LARP4B: variants seen among roughly 807,000 people sequenced by gnomAD.
The protein encoded by LARP4B is La ribonucleoprotein 4B, also known as la-related protein 4B.
A neutral mutation model predicts 89.8 loss-of-function variants in LARP4B; 12 were observed. The ratio of observed to expected loss-of-function variants is 0.13; its 90% confidence interval spans 0.09 to 0.22. The LOEUF (loss-of-function observed/expected upper bound fraction) is 0.22. Ranked by LOEUF, LARP4B falls within the 10% of genes least tolerant of loss-of-function variation. The pLI, the probability that LARP4B is intolerant of heterozygous loss-of-function variation, is 1.00. For synonymous variants in LARP4B, 367 were observed against 363.3 expected (o/e 1.01, Z -0.12); for missense variants, 757 against 947.7 (o/e 0.80, Z 2.64).
chr10:845,848 G>T (rs1833752885), intron 5 of LARP4B, among the ~76,000 whole-genome samples: 1 of 152,134 alleles, frequency 6.6e-6, no homozygotes, highest in South Asian at 2.1e-4. Context: ...AAATTAGCAT[G>T]GTACAATCAT....
chr10:814,771 T>G lies in LARP4B; in HGVS notation c.1900A>C (p.Lys634Gln). 1 of 1,602,856 alleles carries G rather than the reference T, an allele frequency of 6.2e-7. No homozygotes were observed. Among genetic ancestry groups the G allele is most frequent in the Non-Finnish European group, 8.5e-7 (1 of 1,174,188 alleles). The change falls in exon 17 of 18, where the codon AAA becomes CAA. Residue 634 changes from lysine (K) to glutamine (Q), a missense_variant. Around this residue, in one of 5 missense-constraint regions of LARP4B, gnomAD observed 387 missense variants for 423.6 expected, o/e 0.91. Transcript: ENST00000316157. The surrounding 1 kb of genome is among the most constrained non-coding windows in gnomAD (Gnocchi z 4.4). ...LPSALTATAC[K>Q]SVQVNGAATE... ...GCGGCTCCGTTCACCTGCACCGATTTACACGCGGTCGCAGTGAGGGCGGAA... is the reference window on the plus strand; with the variant it reads ...GCGGCTCCGTTCACCTGCACCGATTGACACGCGGTCGCAGTGAGGGCGGAA...
the LARP4B span, among the ~76,000 whole-genome samples, chr10:949,856 G>A: frequency 6.6e-6 from 1 of 152,134 alleles, no homozygotes; most frequent in South Asian, 2.1e-4. Flanking sequence ...TGTCGAGGCT[G>A]CAGTGCAGTG....
chr10:869,317 A>G (rs1020967100), intron 3 of LARP4B, among the ~76,000 whole-genome samples: 12 of 152,180 alleles, frequency 7.9e-5, no homozygotes, highest in Admixed American at 3.3e-4. Context: ...TACACTGCCC[A>G]CGAGATAAGA....
At chr10:986,344 G>A in the LARP4B span, 1 of 152,224 alleles carries the variant, frequency 6.6e-6, no homozygotes, top group Non-Finnish European at 1.5e-5. Flanking sequence ...TGCTAATGCA[G>A]TCAGGAACTG....
the LARP4B span, among the ~76,000 whole-genome samples, chr10:952,308 C>A: frequency 9.6e-5 from 13 of 135,986 alleles, no homozygotes; most frequent in African/African-American, 3.1e-4. Flanking sequence ...ATGCTGCACT[C>A]CAGCCTGGGT....
upstream of LARP4B, chr10:931,751 G>A (rs1830625255): frequency 1.3e-5 from 2 of 150,500 alleles, no homozygotes; most frequent in African/African-American, 4.9e-5. Flanking sequence ...GCGGACCCGC[G>A]CCTCGCGCCC....
At chr10:909,113 T>G (rs949318905) in intron 1 of LARP4B, among the ~76,000 whole-genome samples, 3 of 151,792 alleles carry the variant, frequency 2.0e-5, no homozygotes, top group Non-Finnish European at 1.5e-5. Flanking sequence ...GCTAACACGG[T>G]GAAACCCCGT....
At chr10:832,775 G>T (rs1251920698) in intron 8 of LARP4B, among the ~76,000 whole-genome samples, 2 of 152,008 alleles carry the variant, frequency 1.3e-5, no homozygotes, top group Non-Finnish European at 2.9e-5. Context: ...TACTAAAGCT[G>T]AAAAAAATTC....
At chr10:833,356 G>A (rs1359638901) in intron 8 of LARP4B, among the ~76,000 whole-genome samples, 3 of 141,502 alleles carry the variant, frequency 2.1e-5, no homozygotes, top group South Asian at 2.5e-4. Context: ...GCGGCATGCC[G>A]CCCACGGGCT....
At chr10:965,126 G>C in the LARP4B span, among the ~76,000 whole-genome samples, 1 of 152,232 alleles carries the variant, frequency 6.6e-6, no homozygotes, top group Non-Finnish European at 1.5e-5. Context: ...CCTGCCTGTG[G>C]TCCACACAGT....
chr10:972,660 TG>T, the LARP4B span: 1 of 457,162 alleles, frequency 2.2e-6, no homozygotes, highest in Non-Finnish European at 4.4e-6. Context: ...GCCGTTTGAC[TG>T]GTATGAAGTA....
rs773961022 is a variant in LARP4B at position 814,009 on chromosome 10, T to C, written c.1929+733A>G. 5.3e-5 allele frequency among the ~76,000 whole-genome samples: 8 copies of C among 152,024 alleles called. No homozygotes were observed. The highest frequency in any genetic ancestry group is 4.2e-4 in the South Asian group (2 of 4,816). On this transcript the variant is annotated intron_variant, in intron 17 of 17. Coordinates refer to ENST00000316157, the MANE Select transcript of LARP4B (RefSeq NM_015155.3). This position sits in a 1 kb window ranked among gnomAD's most constrained non-coding sequence, Gnocchi z 4.4. ...GTAGAGACAGGGTTTCACCATGTTGTTCAGGACTGTCTGGATCTCCTGACC... is the reference window on the plus strand; with the variant it reads ...GTAGAGACAGGGTTTCACCATGTTGCTCAGGACTGTCTGGATCTCCTGACC...
intron 1 of LARP4B, among the ~76,000 whole-genome samples, chr10:898,384 A>C (rs1457777050): frequency 6.6e-6 from 1 of 152,236 alleles, no homozygotes; most frequent in Non-Finnish European, 1.5e-5. Flanking sequence ...TTCTACTCCT[A>C]GGGATATATC....
chr10:830,016 C>T (rs1832818597), intron 9 of LARP4B, among the ~76,000 whole-genome samples: 1 of 152,172 alleles, frequency 6.6e-6, no homozygotes, highest in Admixed American at 6.5e-5. Flanking sequence ...GGCTAAGAAC[C>T]TTGACCTGGT....
chr10:957,800 C>CTTTTTTTTTTTT, the LARP4B span, among the ~76,000 whole-genome samples: 2 of 125,106 alleles, frequency 1.6e-5, no homozygotes, highest in African/African-American at 3.0e-5. Context: ...CATTTTCTTT[C>CTTTTTTTTTTTT]TTTTTTTTTT....
chr10:870,433 C>T (rs563847871), intron 3 of LARP4B, among the ~76,000 whole-genome samples: 34 of 152,272 alleles, frequency 2.2e-4, no homozygotes, highest in African/African-American at 7.2e-4. Context: ...GAATCCCCTG[C>T]GCTGCATCGC....
chr10:925,577 A>C (rs1837113975), intron 1 of LARP4B, among the ~76,000 whole-genome samples: 1 of 152,132 alleles, frequency 6.6e-6, no homozygotes, highest in Non-Finnish European at 1.5e-5. Context: ...TCTGTCGCCC[A>C]GGCTGGAGTG....
rs192925170 is a variant in LARP4B, at chr10:878,981, G to A, written c.141+5466C>T. ...GAGAGATGTTTTTACTGATCCCAGT[G>A]CCTTGAAAGACTACTATTACATCTG... On this transcript the variant is annotated intron_variant, in intron 3 of 17. Transcript: ENST00000316157. Among the ~76,000 whole-genome samples, 650 of 152,138 alleles carry A rather than the reference G, an allele frequency of 4.3e-3. 3 individuals are homozygous for A. Among genetic ancestry groups the A allele is most frequent in the African/African-American group, 0.014 (564 of 41,418 alleles).
At chr10:830,263 G>A (rs1453005742) in intron 9 of LARP4B, among the ~76,000 whole-genome samples, 1 of 152,118 alleles carries the variant, frequency 6.6e-6, no homozygotes, top group Admixed American at 6.5e-5. Context: ...GGCTGGCAGA[G>A]CTCACACTCC....
Sources: gnomAD v4.1 joint callset for allele counts (sites outside exome capture counted in the v4.1 genomes callset) on GRCh38, gnomAD v4.1.1 for gene constraint, gnomAD v4.1.1 regional missense constraint, Gnocchi (gnomAD v3.1) non-coding constraint, MANE v1.5 for transcripts, NCBI Gene and HGNC (gene_info 2026-07-23, HGNC 2026-07-21) for gene names.